The following RUFY2 variants were observed in gnomAD, a reference collection of about 807,000 sequenced individuals.
RUFY2 encodes RUN and FYVE domain containing 2.
Under a neutral mutation model 94.4 loss-of-function variants are expected in RUFY2, and 49 were observed. The observed-to-expected ratio is 0.52, with a 90% CI of 0.41 to 0.66. The LOEUF is 0.66. Ranked by LOEUF, RUFY2 falls within the 30% of genes least tolerant of loss-of-function variation. RUFY2 has a pLI of 0.00. For missense variants in RUFY2, 541 were observed against 692.8 expected (o/e 0.78, Z 2.46); for synonymous variants, 255 against 235.7 (o/e 1.08, Z -0.75).
intron 15 of RUFY2, 21 bp downstream of exon 15, chr10:68,363,569 T>A (rs1448203332): frequency 1.3e-6 from 2 of 1,503,378 alleles, no homozygotes; most frequent in South Asian, 2.4e-5. Context: ...GACTACTTAG[T>A]TGAAGGAAAA....
intron 1 of RUFY2, chr10:68,406,859 T>C: frequency 6.2e-7 from 1 of 1,609,622 alleles, no homozygotes; most frequent in Non-Finnish European, 8.5e-7. Flanking sequence ...ACCTGAAAAG[T>C]CATCGCCCCT....
intron 3 of RUFY2, among the ~76,000 whole-genome samples, chr10:68,399,066 C>T (rs1325516154): frequency 6.7e-6 from 1 of 150,144 alleles, no homozygotes; most frequent in Admixed American, 6.7e-5. Flanking sequence ...GTGGGGGAGA[C>T]AAAGTCTCAC....
intron 10 of RUFY2, among the ~76,000 whole-genome samples, chr10:68,382,226 T>G (rs1178223676): frequency 6.7e-6 from 1 of 149,304 alleles, no homozygotes; most frequent in African/African-American, 2.5e-5. Flanking sequence ...TTTTTTTTTT[T>G]TTTGTATTTT....
At chr10:68,391,510 T>C (rs936246918) in intron 7 of RUFY2, among the ~76,000 whole-genome samples, 2 of 151,596 alleles carry the variant, frequency 1.3e-5, no homozygotes, top group Admixed American at 6.6e-5. Flanking sequence ...TTACTAGGCA[T>C]GGTGGTGCAC....
chr10:68,403,631 C>T (rs529190143), intron 2 of RUFY2, among the ~76,000 whole-genome samples: 5 of 152,142 alleles, frequency 3.3e-5, no homozygotes, highest in South Asian at 4.2e-4. Flanking sequence ...GAGTATCTTT[C>T]GCTAGTATTT....
In RUFY2 at chr10:68,343,915, G is replaced by A. The variant is rs150296081; in HGVS notation, c.*1853C>T. 3.2e-3 allele frequency: 487 copies of A among 150,290 alleles called. 9 individuals carry two copies. Among genetic ancestry groups the A allele is most frequent in the Admixed American group, 0.029 (439 of 15,076 alleles). The allele number at this position is 150,290 out of a possible 1,614,324, so 9.3% of individuals were successfully genotyped here. A position where few individuals can be genotyped will look rare whatever the true frequency, so the allele number is the denominator to read the frequency against. ...ATGACAAAATCATGGTTTGTTGAAT[G>A]AAATTAGCCTTGGAATTTAAGCAAC... On this transcript the variant is annotated 3_prime_UTR_variant, in exon 18 of 18. Transcript: ENST00000602465.
intron 13 of RUFY2, among the ~76,000 whole-genome samples, chr10:68,366,333 A>G: frequency 6.6e-6 from 1 of 150,528 alleles, no homozygotes. Flanking sequence ...TCCATCTCAA[A>G]AAAAAAAAAA....
chr10:68,346,762 A>G (rs2046304281), intron 16 of RUFY2: 1 of 152,244 alleles, frequency 6.6e-6, no homozygotes, highest in South Asian at 2.1e-4. Context: ...GTCCAACAAT[A>G]TTTAAGGATA....
intron 12 of RUFY2, chr10:68,378,647 GT>G: frequency 6.2e-7 from 1 of 1,612,598 alleles, no homozygotes; most frequent in South Asian, 1.1e-5. Context: ...AATTGTCCTA[GT>G]TTGAGTTAAC....
intron 1 of RUFY2, chr10:68,405,361 C>T (rs529140026): frequency 5.5e-5 from 27 of 488,550 alleles, no homozygotes; most frequent in African/African-American, 5.5e-4. Context: ...AAGAAAATTT[C>T]CATGACCACT....
chr10:68,406,724 G>A, intron 1 of RUFY2: 3 of 1,580,134 alleles, frequency 1.9e-6, no homozygotes, highest in South Asian at 1.2e-5. Context: ...GAGGCCTGGG[G>A]GCCCCCCAGG....
At chr10:68,380,147 C>T (rs559025542) in intron 11 of RUFY2, among the ~76,000 whole-genome samples, 20 of 150,266 alleles carry the variant, frequency 1.3e-4, no homozygotes, top group Admixed American at 1.2e-3. Context: ...GCTATGTTCA[C>T]CAGGCTGGTC....
At chr10:68,406,714 G>C (rs754064559) in intron 1 of RUFY2, 2 of 1,551,648 alleles carry the variant, frequency 1.3e-6, no homozygotes, top group Admixed American at 3.8e-5. Flanking sequence ...AGGCTGCCCA[G>C]AGGCCTGGGG....
chr10:68,362,366 G>T (rs939869941), intron 15 of RUFY2, among the ~76,000 whole-genome samples: 1 of 151,876 alleles, frequency 6.6e-6, no homozygotes, highest in Non-Finnish European at 1.5e-5. Context: ...TATTTAAAAC[G>T]ACTATATATT....
At chr10:68,357,281 T>G (rs1034722416) in intron 15 of RUFY2, among the ~76,000 whole-genome samples, 1 of 151,774 alleles carries the variant, frequency 6.6e-6, no homozygotes, top group East Asian at 1.9e-4. Context: ...CAGGCTGGAA[T>G]GCAGTGGCAT....
chr10:68,376,108 A>G (rs895410035), intron 13 of RUFY2, among the ~76,000 whole-genome samples: 53 of 142,698 alleles, frequency 3.7e-4, no homozygotes, highest in African/African-American at 1.2e-3. Context: ...ATCTCGAAGG[A>G]AAAAAAAAAA....
At chr10:68,396,262 T>A (rs2050387830) in intron 4 of RUFY2, among the ~76,000 whole-genome samples, 1 of 152,120 alleles carries the variant, frequency 6.6e-6, no homozygotes, top group South Asian at 2.1e-4. Context: ...AGTGCTGGGA[T>A]TACAGGCGTG....
chr10:68,343,117 A>G (rs2046064072), downstream of RUFY2: 1 of 152,186 alleles, frequency 6.6e-6, no homozygotes, highest in East Asian at 1.9e-4. Context: ...AAACCTGTTG[A>G]TGTGAATTCA....
intron 15 of RUFY2, among the ~76,000 whole-genome samples, chr10:68,361,485 CAA>C (rs1273994575): frequency 6.6e-6 from 1 of 152,208 alleles, no homozygotes; most frequent in South Asian, 2.1e-4. Flanking sequence ...AAGTGTCTGT[CAA>C]GAAATAAATG....
Sources: allele counts gnomAD v4.1 joint callset (sites outside exome capture counted in the v4.1 genomes callset), GRCh38; gene constraint gnomAD v4.1.1; transcripts MANE v1.5; gene names NCBI Gene and HGNC (gene_info 2026-07-23, HGNC 2026-07-21).